The following SEL1L variants were observed in gnomAD, a reference collection of about 807,000 sequenced individuals.
The protein encoded by SEL1L is SEL1L adaptor subunit of SYVN1 ubiquitin ligase.
In SEL1L, 52 loss-of-function variants were observed where a neutral mutation model predicts 109.8. The observed-to-expected ratio is 0.47, with a 90% CI of 0.38 to 0.60. The LOEUF (loss-of-function observed/expected upper bound fraction) is 0.60, where lower values mean the gene tolerates loss of function less well. SEL1L is among the 20% of genes least tolerant of loss of function. SEL1L has a pLI of 0.00. For synonymous variants in SEL1L, 373 were observed against 339.6 expected (o/e 1.10, Z -1.08); for missense variants, 749 against 962.2 (o/e 0.78, Z 2.93).
chr14:81,533,610 C>A (rs1403078988), intron 1 of SEL1L, 65 bp downstream of exon 1: 1 of 1,534,728 alleles, frequency 6.5e-7, no homozygotes, highest in Non-Finnish European at 8.9e-7. Context: ...CCCCACGGCC[C>A]CGCCGGCTGT....
chr14:81,513,156 C>T (rs569458879), intron 3 of SEL1L, among the ~76,000 whole-genome samples: 2 of 152,266 alleles, frequency 1.3e-5, no homozygotes, highest in African/African-American at 4.8e-5. Flanking sequence ...TTTGTAAACG[C>T]ACCAATCAGC....
rs144533293 is a variant in SEL1L, at chr14:81,492,990, C to T, written c.1186-442G>A. Among the ~76,000 whole-genome samples, 1,034 of 152,310 alleles carry T rather than the reference C, an allele frequency of 6.8e-3. 4 individuals are homozygous for T. The highest frequency in any genetic ancestry group is 9.9e-3 in the Non-Finnish European group (671 of 68,028). On this transcript the variant is annotated intron_variant, in intron 11 of 20. Coordinates refer to ENST00000336735, the MANE Select transcript of SEL1L (RefSeq NM_005065.6). The stretch of plus-strand genomic sequence containing the variant: ...CATTGTTGTCTAAAGGAATACATTC[C>T]TCTTGTACTGTTTAGAGAAAAATTC...
chr14:81,508,610 T>G lies in SEL1L; in HGVS notation c.341-2369A>C, dbSNP rs547574763. Among the ~76,000 whole-genome samples, 21 of 152,242 alleles carry G rather than the reference T, an allele frequency of 1.4e-4. No homozygotes were observed. The South Asian group carries it at 4.1e-3, about 30-fold the overall frequency. ...AAAAATTCAAAAAATTAGCTGGGTG[T>G]GGCAGTGGATGCCTGTAGTCTCAGC... On this transcript the variant is annotated intron_variant, in intron 3 of 20. Transcript: ENST00000336735.
rs776857063 is a variant in SEL1L, at chr14:81,527,005, A to G, written c.109-41T>C. 8 of 1,418,352 alleles carry G rather than the reference A, an allele frequency of 5.6e-6. No homozygotes were observed. In the East Asian group the frequency reaches 1.8e-4, roughly 32 times the overall value. The allele number at this position is 1,418,352 out of a possible 1,614,324, so 87.9% of individuals were successfully genotyped here. On this transcript the variant is annotated intron_variant, in intron 2 of 20. Coordinates refer to ENST00000336735, the MANE Select transcript of SEL1L (RefSeq NM_005065.6). Reference sequence around the variant, plus strand: ...ATTTTTAGTTATCAACAATGCCAAGACTTTCCCCAACCCTATTTGACCGTT... The same window carrying G: ...ATTTTTAGTTATCAACAATGCCAAGGCTTTCCCCAACCCTATTTGACCGTT...
chr14:81,525,601 A>T (rs1182865812), intron 3 of SEL1L, among the ~76,000 whole-genome samples: 2 of 152,056 alleles, frequency 1.3e-5, no homozygotes, highest in Admixed American at 6.6e-5. Context: ...ACTGTCTTTT[A>T]AACTTTTACA....
At chr14:81,515,257 T>A (rs1443729522) in intron 3 of SEL1L, among the ~76,000 whole-genome samples, 2 of 152,182 alleles carry the variant, frequency 1.3e-5, no homozygotes, top group East Asian at 3.9e-4. Flanking sequence ...TTAAAGCAGA[T>A]CAAGGCAGAC....
At chr14:81,526,377 G>A (rs895895249) in intron 3 of SEL1L, among the ~76,000 whole-genome samples, 1 of 152,130 alleles carries the variant, frequency 6.6e-6, no homozygotes, top group African/African-American at 2.4e-5. Flanking sequence ...ATAGTGGCAT[G>A]TTAGACAGTT....
At chr14:81,502,267 G>C (rs1388805559) in intron 6 of SEL1L, among the ~76,000 whole-genome samples, 1 of 151,988 alleles carries the variant, frequency 6.6e-6, no homozygotes, top group African/African-American at 2.4e-5. Flanking sequence ...ACTCATATTT[G>C]GGTGGTACAT....
intron 3 of SEL1L, among the ~76,000 whole-genome samples, chr14:81,510,751 CAT>C (rs1488407115): frequency 6.6e-6 from 1 of 152,028 alleles, no homozygotes; most frequent in Non-Finnish European, 1.5e-5. Flanking sequence ...TACTTCCAAA[CAT>C]AGAGTACTAA....
chr14:81,508,592 C>T (rs1019270978), intron 3 of SEL1L, among the ~76,000 whole-genome samples: 4 of 151,990 alleles, frequency 2.6e-5, no homozygotes, highest in Non-Finnish European at 4.4e-5. Context: ...ACTAAAAATT[C>T]AAAAAATTAG....
intron 1 of SEL1L, 49 bp downstream of exon 1, chr14:81,533,626 C>CTGGG: frequency 6.3e-7 from 1 of 1,582,912 alleles, no homozygotes; most frequent in Non-Finnish European, 8.6e-7. Context: ...GCTGTAGAGG[C>CTGGG]TGGGGGGCGG....
chr14:81,472,902 A>G lies in SEL1L; in HGVS notation c.*4070T>C. On this transcript the variant is annotated 3_prime_UTR_variant, in exon 21 of 21. Transcript: ENST00000336735. ...GTCTGGAAAGGTGCTTGGTTGTGGT[A>G]TATTACAGCATACAGGATAACCAGA... 1 of 213,428 alleles carries G rather than the reference A, an allele frequency of 4.7e-6. No homozygotes were observed. The highest frequency in any genetic ancestry group is 6.5e-5 in the South Asian group (1 of 15,288). The allele number at this position is 213,428 out of a possible 1,614,324, so 13.2% of individuals were successfully genotyped here. A position where few individuals can be genotyped will look rare whatever the true frequency, so the allele number is the denominator to read the frequency against.
chr14:81,473,963 C>T lies in SEL1L; in HGVS notation c.*3009G>A, dbSNP rs1903081053. On this transcript the variant is annotated 3_prime_UTR_variant, in exon 21 of 21. Coordinates refer to ENST00000336735, the MANE Select transcript of SEL1L (RefSeq NM_005065.6). ...CTTTAAATAAATCATCAGATCATCACCAGATCACTGGCAGGGGTTTCCAAA... is the reference window on the plus strand; with the variant it reads ...CTTTAAATAAATCATCAGATCATCATCAGATCACTGGCAGGGGTTTCCAAA... 6.6e-6 allele frequency: 1 copy of T among 151,902 alleles called. No homozygotes were observed. The highest frequency in any genetic ancestry group is 1.5e-5 in the Non-Finnish European group (1 of 67,970). 9.4% of individuals were successfully genotyped at this position (151,902 alleles called of 1,614,324 possible).
Position 81,471,813 on chromosome 14 carries a change from A to G in SEL1L, c.*5159T>C, listed in dbSNP as rs17847453. The G allele has an allele frequency of 1.6e-4, 25 of 152,324 alleles. No homozygotes were observed. The East Asian group carries it at 4.6e-3, about 28-fold the overall frequency. The allele number at this position is 152,324 out of a possible 1,614,324, so 9.4% of individuals were successfully genotyped here. ...CAGGATCTAATTAAAAGCTTGTTCA[A>G]TTTGATGGCGAAGTAGTGACGTAAG... On this transcript the variant is annotated 3_prime_UTR_variant, in exon 21 of 21. Coordinates refer to ENST00000336735, the MANE Select transcript of SEL1L (RefSeq NM_005065.6).
Position 81,502,830 on chromosome 14 carries a change from T to C in SEL1L, c.668A>G (p.Glu223Gly), listed in dbSNP as rs1884068685. 1 of 1,614,020 alleles carries C rather than the reference T, an allele frequency of 6.2e-7. No individual in the cohort carries two copies. The highest frequency in any genetic ancestry group is 1.7e-5 in the Admixed American group (1 of 60,010). ...AAATAAAAGAGCATATGACACTCTC[T>C]CCAGGGCTTTGGTATGGTTCATGCT... is the stretch of plus-strand genomic sequence containing the variant. ...AASMNHTKAL[E>G]RVSYALLFGD... The change falls in exon 6 of 21, where the codon GAG becomes GGG. Residue 223 changes from glutamate to glycine, a missense_variant. By Grantham distance (98) the Glu-to-Gly change is moderately conservative. This residue lies in a region of SEL1L where 366 missense variants were observed against 399.8 expected (regional missense o/e 0.92). Transcript: ENST00000336735.
intron 11 of SEL1L, among the ~76,000 whole-genome samples, chr14:81,494,264 G>T (rs1883655801): frequency 1.3e-5 from 2 of 152,018 alleles, no homozygotes; most frequent in African/African-American, 4.8e-5. Flanking sequence ...CCATCCCTAA[G>T]GCCTGTTACA....
intron 17 of SEL1L, 75 bp downstream of exon 17, chr14:81,486,214 T>C: frequency 7.2e-7 from 1 of 1,386,232 alleles, no homozygotes; most frequent in Non-Finnish European, 9.9e-7. Context: ...AGCTTTTCTT[T>C]TTGAATACAT....
chr14:81,479,612 G>A lies in SEL1L; in HGVS notation c.2175C>T (p.Asn725=), dbSNP rs375427799. Residue 725 remains asparagine (N), a splice_region_variant and synonymous_variant, in exon 20 of 21, where the codon AAC becomes AAT. Transcript: ENST00000336735. Reference sequence around the variant, plus strand: ...ATGAAAAGAGGTACGGACCACTTACGTTTGTTTCCCGTATGTACTGCAAGA... The same window carrying A: ...ATGAAAAGAGGTACGGACCACTTACATTTGTTTCCCGTATGTACTGCAAGA... ...VYFLQYIRET[N]IRDMFTQLDM... 2.7e-5 allele frequency: 43 copies of A among 1,605,378 alleles called. No individual in the cohort carries two copies. The highest frequency in any genetic ancestry group is 3.4e-5 in the Non-Finnish European group (40 of 1,177,194).
chr14:81,526,787 A>G lies in SEL1L; in HGVS notation c.286T>C (p.Ser96Pro). The G allele has an allele frequency of 6.2e-7, 1 of 1,607,686 alleles. No individual in the cohort carries two copies. The highest frequency in any genetic ancestry group is 8.5e-7 in the Non-Finnish European group (1 of 1,178,296). The change falls in exon 3 of 21, where the codon TCT becomes CCT. Residue 96 changes from serine (S) to proline (P), a missense_variant. This residue lies in a region of SEL1L where 366 missense variants were observed against 399.8 expected (regional missense o/e 0.92). Coordinates refer to ENST00000336735, the MANE Select transcript of SEL1L (RefSeq NM_005065.6). Reference protein sequence around the residue: ...SVTEDISFLESPNPENKDYEE... With the variant: ...SVTEDISFLEPPNPENKDYEE... ...TAGTCCTTGTTTTCTGGATTTGGAG[A>G]CTCTAGAAAGCTGATATCTTCTGTG...
Sources: allele counts gnomAD v4.1 joint callset (sites outside exome capture counted in the v4.1 genomes callset), GRCh38; gene constraint gnomAD v4.1.1; regional missense constraint gnomAD v4.1.1; transcripts MANE v1.5; gene names NCBI Gene and HGNC (gene_info 2026-07-23, HGNC 2026-07-21).